Variants in SMAP2 observed in about 807,000 individuals in gnomAD.
The protein encoded by SMAP2 is stromal membrane-associated protein 2.
Under a neutral mutation model 56.4 loss-of-function variants are expected in SMAP2, and 25 were observed. The observed-to-expected ratio is 0.44, with a 90% CI of 0.32 to 0.62. The LOEUF is 0.62. Among genes scored for constraint, SMAP2 ranks in the 20% least tolerant of loss-of-function variants. SMAP2 has a pLI of 0.04. For missense variants in SMAP2, 388 were observed against 545.6 expected (o/e 0.71, Z 2.88); for synonymous variants, 157 against 181.7 (o/e 0.86, Z 1.09).
At chr1:40,359,105 T>TTTTG (rs958556362) in intron 1 of SMAP2, among the ~76,000 whole-genome samples, 3 of 152,218 alleles carry the variant, frequency 2.0e-5, no homozygotes, top group African/African-American at 7.2e-5. Context: ...GTGTATCTTT[T>TTTTG]TTTGTTTGTT....
At chr1:40,412,734 A>G (rs1457070017) in intron 4 of SMAP2, among the ~76,000 whole-genome samples, 1 of 152,182 alleles carries the variant, frequency 6.6e-6, no homozygotes, top group Admixed American at 6.5e-5. Flanking sequence ...AAAATGTTTT[A>G]GCGTCTGTAC....
intron 1 of SMAP2, among the ~76,000 whole-genome samples, chr1:40,345,751 T>A (rs1237963195): frequency 2.6e-5 from 4 of 151,136 alleles, no homozygotes; most frequent in South Asian, 2.1e-4. Flanking sequence ...AGAATACATC[T>A]ATTGTGTATT....
chr1:40,372,272 T>TTTG (rs552637942), upstream of SMAP2, among the ~76,000 whole-genome samples: 2,994 of 151,952 alleles, frequency 0.02, 88 homozygotes, highest in African/African-American at 0.068. Context: ...TTAACTGGGT[T>TTTG]TTGTTGTTGT....
At chr1:40,388,136 C>A (rs1052435532) in intron 1 of SMAP2, among the ~76,000 whole-genome samples, 3 of 152,192 alleles carry the variant, frequency 2.0e-5, no homozygotes, top group African/African-American at 7.2e-5. Flanking sequence ...AGCCTCCCCC[C>A]ACCTCTGTGG....
chr1:40,401,743 G>A (rs1254918476), intron 1 of SMAP2, among the ~76,000 whole-genome samples: 1 of 152,144 alleles, frequency 6.6e-6, no homozygotes, highest in Non-Finnish European at 1.5e-5. Flanking sequence ...TGGATATTAC[G>A]TATATGCTTT....
At chr1:40,411,197 T>C (rs1159024781) in intron 4 of SMAP2, among the ~76,000 whole-genome samples, 1 of 152,208 alleles carries the variant, frequency 6.6e-6, no homozygotes, top group Admixed American at 6.5e-5. Flanking sequence ...ACTCTTACCT[T>C]GCAGTTATCC....
chr1:40,398,016 C>A (rs1336254008), intron 1 of SMAP2, among the ~76,000 whole-genome samples: 1 of 152,136 alleles, frequency 6.6e-6, no homozygotes, highest in Non-Finnish European at 1.5e-5. Context: ...ACTTACCCTG[C>A]AGCCAGTAAG....
chr1:40,406,285 A>T (rs912388218), intron 1 of SMAP2, among the ~76,000 whole-genome samples: 2 of 152,206 alleles, frequency 1.3e-5, no homozygotes, highest in Non-Finnish European at 2.9e-5. Flanking sequence ...TTCAACACTC[A>T]TATTAGCAGA....
Position 40,362,026 on chromosome 1 carries a change from T to A in SMAP2, c.-82-274T>A, listed in dbSNP as rs185115921. Among the ~76,000 whole-genome samples the A allele has an allele frequency of 2.6e-5, 4 of 152,254 alleles. No individual in the cohort carries two copies. The East Asian group carries it at 7.7e-4, about 29-fold the overall frequency. ...GAAAATCAACCAAGGGCATGATGTA[T>A]CTTGGGGCGAGCAAGTGCAGATGGC... is the stretch of plus-strand genomic sequence containing the variant. On this transcript the variant is annotated intron_variant, in intron 1 of 6. Transcript: ENST00000435168.
At chr1:40,345,486 T>C (rs1285374784) in intron 1 of SMAP2, among the ~76,000 whole-genome samples, 2 of 151,942 alleles carry the variant, frequency 1.3e-5, no homozygotes, top group Admixed American at 6.6e-5. Context: ...AGCACAATTT[T>C]CATTTTTCTT....
intron 1 of SMAP2, among the ~76,000 whole-genome samples, chr1:40,388,353 TCAGGGA>T (rs1644681951): frequency 6.6e-6 from 1 of 152,292 alleles, no homozygotes; most frequent in South Asian, 2.1e-4. Flanking sequence ...TATGTCTAGC[TCAGGGA>T]TTGTAAATAC....
chr1:40,402,493 A>C (rs1220801195), intron 1 of SMAP2, among the ~76,000 whole-genome samples: 1 of 151,862 alleles, frequency 6.6e-6, no homozygotes, highest in Admixed American at 6.6e-5. Flanking sequence ...GCTGTCATCT[A>C]GGCTGGAGTG....
At chr1:40,420,073 T>G (rs1464710651) in intron 9 of SMAP2, among the ~76,000 whole-genome samples, 1 of 152,218 alleles carries the variant, frequency 6.6e-6, no homozygotes, top group Non-Finnish European at 1.5e-5. Flanking sequence ...TTACCTAGAT[T>G]TTCCATTTCG....
rs1645050502 is a variant in SMAP2 at position 40,422,192 on chromosome 1, CCT to C, written c.*96_*97del. On this transcript the variant is annotated 3_prime_UTR_variant, in exon 10 of 10. Transcript: ENST00000372718. ...CCCTGACCCCCATCCTCTTTTCCTA[CCT>C]CTCTGTTTGGTTTAGAAATTGCTCA... 4 of 1,528,364 alleles carry C rather than the reference CCT, an allele frequency of 2.6e-6. No individual in the cohort carries two copies. The East Asian group carries it at 9.5e-5, about 36-fold the overall frequency. The allele number at this position is 1,528,364 out of a possible 1,614,324, so 94.7% of individuals were successfully genotyped here. A position where few individuals can be genotyped will look rare whatever the true frequency, so the allele number is the denominator to read the frequency against.
At position 40,374,948 on chromosome 1, in the gene SMAP2, G is replaced by A. The variant is rs769500482; in HGVS notation, c.103+725G>A. 1.1e-5 allele frequency: 11 copies of A among 985,242 alleles called. No individual in the cohort carries two copies. The highest frequency in any genetic ancestry group is 1.3e-5 in the Non-Finnish European group (11 of 829,922). The allele number at this position is 985,242 out of a possible 1,614,324, so 61.0% of individuals were successfully genotyped here. A position where few individuals can be genotyped will look rare whatever the true frequency, so the allele number is the denominator to read the frequency against. The stretch of plus-strand genomic sequence containing the variant: ...CGATTATGCCTGTAGTGCAGGATCC[G>A]TTTAATCAGTGGAGAGAGAAAGATG... On this transcript the variant is annotated intron_variant, in intron 1 of 9. Coordinates refer to ENST00000372718, the MANE Select transcript of SMAP2 (RefSeq NM_022733.3). This position sits in a 1 kb window ranked among gnomAD's most constrained non-coding sequence, Gnocchi z 5.9.
At position 40,404,473 on chromosome 1, in the gene SMAP2, T is replaced by C. The variant is rs142228522; in HGVS notation, c.104-2263T>C. Among the ~76,000 whole-genome samples the C allele has an allele frequency of 3.3e-5, 5 of 152,328 alleles. No homozygotes were observed. The East Asian group carries it at 9.6e-4, about 29-fold the overall frequency. ...TGCATTCCTCAGAAGCAAAAAGACT[T>C]TAAGTACGCTGGAGTGGGAGCTGTG... On this transcript the variant is annotated intron_variant, in intron 1 of 9. Coordinates refer to ENST00000372718, the MANE Select transcript of SMAP2 (RefSeq NM_022733.3).
At chr1:40,416,085 G>A in intron 7 of SMAP2, 91 bp from the exon 8 acceptor site, 1 of 1,232,990 alleles carries the variant, frequency 8.1e-7, no homozygotes, top group Non-Finnish European at 1.1e-6. Context: ...TCTTATTGCA[G>A]ATGTTAGGAG....
intron 1 of SMAP2, among the ~76,000 whole-genome samples, chr1:40,403,070 T>G (rs1264970732): frequency 6.6e-6 from 1 of 152,178 alleles, no homozygotes; most frequent in African/African-American, 2.4e-5. Flanking sequence ...AGAAATATTT[T>G]AAGAGAAATA....
chr1:40,408,813 C>T lies in SMAP2; in HGVS notation c.323+75C>T. The T allele has an allele frequency of 1.7e-6, 2 of 1,161,208 alleles. No homozygotes were observed. The highest frequency in any genetic ancestry group is 2.6e-6 in the Non-Finnish European group (2 of 773,066). 71.9% of individuals were successfully genotyped at this position (1,161,208 alleles called of 1,614,324 possible). A position where few individuals can be genotyped will look rare whatever the true frequency, so the allele number is the denominator to read the frequency against. On this transcript the variant is annotated intron_variant, in intron 3 of 9. Transcript: ENST00000372718. This position sits in a 1 kb window ranked among gnomAD's most constrained non-coding sequence, Gnocchi z 4.3. ...GGGAGAGTCAGACAAGACTCCAGTC[C>T]TGTAATGTGACTGGGTCATCTCTAT...
Sources: gnomAD v4.1 joint callset for allele counts (sites outside exome capture counted in the v4.1 genomes callset) on GRCh38, gnomAD v4.1.1 for gene constraint, Gnocchi (gnomAD v3.1) non-coding constraint, MANE v1.5 for transcripts, NCBI Gene and HGNC (gene_info 2026-07-23, HGNC 2026-07-21) for gene names.